DGKH: variants seen among roughly 807,000 people sequenced by gnomAD.
DGKH encodes the protein diacylglycerol kinase eta.
DGKH carries 90 observed loss-of-function variants against 159.3 expected under a neutral mutation model. That is an observed-to-expected ratio of 0.57 (90% CI 0.48 to 0.67). The LOEUF (loss-of-function observed/expected upper bound fraction) is 0.67, where lower values mean the gene tolerates loss of function less well. Among genes scored for constraint, DGKH ranks in the 30% least tolerant of loss-of-function variants. The pLI is 0.00. For synonymous variants in DGKH, 536 were observed against 553.8 expected (o/e 0.97, Z 0.45); for missense variants, 1,181 against 1,506.1 (o/e 0.78, Z 3.57).
intron 30 of DGKH, among the ~76,000 whole-genome samples, chr13:42,253,306 T>G (rs566641710): frequency 3.3e-5 from 5 of 152,202 alleles, no homozygotes; most frequent in East Asian, 1.9e-4. Flanking sequence ...GAGAGCTCCC[T>G]TAACCCTTCC....
chr13:42,074,402 A>G (rs982907027), intron 1 of DGKH, among the ~76,000 whole-genome samples: 124 of 152,320 alleles, frequency 8.1e-4, no homozygotes, highest in African/African-American at 2.6e-3. Flanking sequence ...TCTCATTCCA[A>G]ATTGGTTGTG....
intron 1 of DGKH, among the ~76,000 whole-genome samples, chr13:42,063,270 A>T (rs1473520484): frequency 6.6e-6 from 1 of 152,034 alleles, no homozygotes; most frequent in Non-Finnish European, 1.5e-5. Flanking sequence ...TGAGGAAGAG[A>T]CACACCTGAC....
chr13:42,193,707 C>G (rs866870633), intron 16 of DGKH, among the ~76,000 whole-genome samples: 40 of 152,168 alleles, frequency 2.6e-4, no homozygotes, highest in Middle Eastern at 6.8e-3. Context: ...GCCCAGGAGT[C>G]CTATCTATTT....
At chr13:42,111,340 G>A (rs1213202723) in intron 1 of DGKH, among the ~76,000 whole-genome samples, 1 of 152,152 alleles carries the variant, frequency 6.6e-6, no homozygotes, top group Non-Finnish European at 1.5e-5. Context: ...CAGTACTTTG[G>A]GAGGCGAGGT....
At chr13:42,096,738 T>TA (rs1954545576) in intron 1 of DGKH, among the ~76,000 whole-genome samples, 1 of 152,238 alleles carries the variant, frequency 6.6e-6, no homozygotes, top group South Asian at 2.1e-4. Context: ...ATGTTCCTGT[T>TA]ACCTGACTGA....
Position 42,168,730 on chromosome 13 carries a change from C to T in DGKH, c.1279C>T (p.Leu427Phe). The change falls in exon 11 of 30, where the codon CTT (leucine) becomes TTT (phenylalanine). Residue 427 changes from leucine (L) to phenylalanine (F), a missense_variant. Around this residue, in one of 5 missense-constraint regions of DGKH, gnomAD observed 369 missense variants for 519.4 expected, o/e 0.71. Transcript: ENST00000337343. ...LGTGNDLARV[L>F]GWGGSYDDDT... is the part of the protein sequence containing the mutation. ...TACAGGAAATGACCTTGCCCGAGTT[C>T]TTGGCTGGGGAGGTTCATATGACGA... The T allele has an allele frequency of 2.5e-6, 4 of 1,614,136 alleles. No homozygotes were observed. The highest frequency in any genetic ancestry group is 3.4e-6 in the Non-Finnish European group (4 of 1,180,008).
chr13:42,212,568 G>GAAGCGAAGATT lies in DGKH; in HGVS notation c.3014+1804_3014+1814dup, dbSNP rs1957682500. ...AACCAAATAATCTTATTGTAAAAAG[G>GAAGCGAAGATT]AAGCGAAGATTGACTAGGCTTGCTT... On this transcript the variant is annotated intron_variant, in intron 24 of 29. Coordinates refer to ENST00000337343, the MANE Select transcript of DGKH (RefSeq NM_178009.5). Among the ~76,000 whole-genome samples the GAAGCGAAGATT allele has an allele frequency of 2.0e-5, 3 of 152,274 alleles. No homozygotes were observed. In the South Asian group the frequency reaches 6.2e-4, roughly 32 times the overall value.
At chr13:42,060,689 G>T (rs1483802331) in intron 1 of DGKH, among the ~76,000 whole-genome samples, 1 of 152,196 alleles carries the variant, frequency 6.6e-6, no homozygotes, top group Non-Finnish European at 1.5e-5. Context: ...GTATGAAAGA[G>T]ACACATCCCC....
rs1389886397 is a variant in DGKH at position 42,048,976 on chromosome 13, G to C, written c.192+11G>C. ...CAGATCCGGACCAAGGTAGGGCGGA[G>C]GAGGCGGGCCTGAGGGCCGCGTGGA... On this transcript the variant is annotated intron_variant, in intron 1 of 29. Coordinates refer to ENST00000337343, the MANE Select transcript of DGKH (RefSeq NM_178009.5). This position sits in a 1 kb window ranked among gnomAD's most constrained non-coding sequence, Gnocchi z 6.7. 7.8e-7 allele frequency: 1 copy of C among 1,280,658 alleles called. No individual in the cohort carries two copies. Among genetic ancestry groups the C allele is most frequent in the African/African-American group, 1.5e-5 (1 of 65,638 alleles). 79.3% of individuals were successfully genotyped at this position (1,280,658 alleles called of 1,614,324 possible). A position where few individuals can be genotyped will look rare whatever the true frequency, so the allele number is the denominator to read the frequency against.
chr13:42,168,666 C>T lies in DGKH; in HGVS notation c.1228-13C>T, dbSNP rs373556529. 24 of 1,614,142 alleles carry T rather than the reference C, an allele frequency of 1.5e-5. No homozygotes were observed. The highest frequency in any genetic ancestry group is 2.0e-5 in the Non-Finnish European group (24 of 1,179,996). On this transcript the variant is annotated splice_polypyrimidine_tract_variant and intron_variant, in intron 10 of 29. Transcript: ENST00000337343. ...AACTTGTCTGAAAGTCACCCTGTTG[C>T]ACTGTCTTTCAGTGTCAGCTGGGAG...
intron 1 of DGKH, among the ~76,000 whole-genome samples, chr13:42,065,488 C>G (rs115985893): frequency 1.4e-3 from 217 of 152,312 alleles, no homozygotes; most frequent in African/African-American, 4.9e-3. Context: ...CCTGTTGGAT[C>G]AACTCCTTCA....
At chr13:42,068,884 A>G in intron 1 of DGKH, 1 of 968,604 alleles carries the variant, frequency 1.0e-6, no homozygotes, top group Non-Finnish European at 1.4e-6. Flanking sequence ...AATAAAAAAG[A>G]CAAAATACAT....
At chr13:42,141,917 A>G (rs1172150006) in intron 3 of DGKH, among the ~76,000 whole-genome samples, 2 of 151,416 alleles carry the variant, frequency 1.3e-5, no homozygotes, top group South Asian at 2.1e-4. Flanking sequence ...CCATTTGTCA[A>G]TTTTGGCTTT....
chr13:42,105,757 A>G (rs1291331250), intron 1 of DGKH, among the ~76,000 whole-genome samples: 2 of 152,176 alleles, frequency 1.3e-5, no homozygotes, highest in Non-Finnish European at 2.9e-5. Flanking sequence ...AGGTAAATGA[A>G]ATTAGGTGTC....
intron 20 of DGKH, among the ~76,000 whole-genome samples, chr13:42,201,077 C>T (rs1957337233): frequency 6.6e-6 from 1 of 152,006 alleles, no homozygotes; most frequent in Admixed American, 6.6e-5. Context: ...ACTGCAACCT[C>T]TACCTGCTGG....
intron 30 of DGKH, among the ~76,000 whole-genome samples, chr13:42,252,946 C>T (rs1266471647): frequency 6.6e-6 from 1 of 152,114 alleles, no homozygotes; most frequent in East Asian, 1.9e-4. Context: ...CAGGGTATCA[C>T]TATGTTGGCC....
intron 1 of DGKH, among the ~76,000 whole-genome samples, chr13:42,117,873 T>G (rs1954992352): frequency 1.3e-5 from 2 of 152,146 alleles, no homozygotes; most frequent in Non-Finnish European, 2.9e-5. Flanking sequence ...GTGTCCATTT[T>G]CATACACGTG....
intron 7 of DGKH, among the ~76,000 whole-genome samples, chr13:42,161,997 A>G (rs1956194085): frequency 6.6e-6 from 1 of 152,176 alleles, no homozygotes; most frequent in Non-Finnish European, 1.5e-5. Context: ...ACATTTCTTA[A>G]CTAGAATAGC....
At chr13:42,247,891 CTA>C (rs1958593722), downstream of DGKH, among the ~76,000 whole-genome samples, 2 of 152,020 alleles carry the variant, frequency 1.3e-5, no homozygotes, top group South Asian at 4.2e-4. Flanking sequence ...GTGTTTTAAT[CTA>C]AGTGTTAGTA....
Sources: allele counts gnomAD v4.1 joint callset (sites outside exome capture counted in the v4.1 genomes callset), GRCh38; gene constraint gnomAD v4.1.1; regional missense constraint gnomAD v4.1.1; non-coding constraint Gnocchi (gnomAD v3.1); transcripts MANE v1.5; gene names NCBI Gene and HGNC (gene_info 2026-07-23, HGNC 2026-07-21).